The following UNC13C variants were observed in gnomAD, a reference collection of about 807,000 sequenced individuals.
The protein encoded by UNC13C is unc-13 homolog C.
A neutral mutation model predicts 245.4 loss-of-function variants in UNC13C; 174 were observed. The observed-to-expected ratio is 0.71, with a 90% CI of 0.63 to 0.80. The LOEUF (loss-of-function observed/expected upper bound fraction) is 0.80. Ranked by LOEUF, UNC13C falls within the 30% of genes least tolerant of loss-of-function variation. The probability of loss-of-function intolerance (pLI) is 0.00; values close to 1 mark genes in which losing one functional copy is unlikely to be tolerated. For synonymous variants in UNC13C, 992 were observed against 895.1 expected, an observed-to-expected ratio of 1.11 and a Z score of -1.93; for missense variants, 2,829 against 2,602.9, an observed-to-expected ratio of 1.09 and a Z score of -1.89.
chr15:54,295,285 CAT>C (rs2037399707), intron 11 of UNC13C, among the ~76,000 whole-genome samples: 1 of 152,098 alleles, frequency 6.6e-6, no homozygotes, highest in Non-Finnish European at 1.5e-5. Context: ...AATACGTTAA[CAT>C]ATTCTTGGGT....
chr15:54,058,282 C>G (rs1432781075), intron 2 of UNC13C, among the ~76,000 whole-genome samples: 1 of 152,112 alleles, frequency 6.6e-6, no homozygotes, highest in Non-Finnish European at 1.5e-5. Context: ...AAGGGGATGT[C>G]ACCACCGATC....
chr15:54,248,752 GC>G (rs1417240858), intron 7 of UNC13C, among the ~76,000 whole-genome samples: 1 of 152,172 alleles, frequency 6.6e-6, no homozygotes, highest in African/African-American at 2.4e-5. Flanking sequence ...GGATTGTCCA[GC>G]CCCTTATCTA....
In UNC13C at chr15:54,500,933, C is replaced by T. The variant is rs1894181928; in HGVS notation, c.5256C>T (p.Cys1752=). The change falls in exon 22 of 33, where the codon TGC becomes TGT. Residue 1752 remains cysteine (C), a synonymous_variant. Coordinates refer to ENST00000260323, the MANE Select transcript of UNC13C (RefSeq NM_001080534.3). ...TTGAAATTATTAAGAAACTGGAATG[C>T]CCTAATCCTGAAGCATTATCTCACT... ...QSFEIIKKLE[C]PNPEALSHLM... is the part of the protein sequence containing the mutation. 2.5e-6 allele frequency: 4 copies of T among 1,612,770 alleles called. No homozygotes were observed. The highest frequency in any genetic ancestry group is 1.6e-4 in the Middle Eastern group (1 of 6,072).
chr15:54,272,665 CT>C (rs1342128118), intron 10 of UNC13C, among the ~76,000 whole-genome samples: 1 of 151,904 alleles, frequency 6.6e-6, no homozygotes, highest in Non-Finnish European at 1.5e-5. Context: ...GTGATTATGT[CT>C]AGCAGCAGGA....
At chr15:54,150,679 G>T (rs1183149060) in intron 4 of UNC13C, among the ~76,000 whole-genome samples, 1 of 152,130 alleles carries the variant, frequency 6.6e-6, no homozygotes, top group African/African-American at 2.4e-5. Context: ...AAAGTCATAA[G>T]ATCATTAGGT....
At chr15:53,905,547 T>C in the UNC13C span, among the ~76,000 whole-genome samples, 1 of 152,020 alleles carries the variant, frequency 6.6e-6, no homozygotes, top group African/African-American at 2.4e-5. Flanking sequence ...CATGGTCTCA[T>C]TCATATGTAG....
At chr15:53,888,733 G>A in the UNC13C span, among the ~76,000 whole-genome samples, 2 of 152,126 alleles carry the variant, frequency 1.3e-5, no homozygotes, top group South Asian at 2.1e-4. Context: ...TGTATAAGGT[G>A]TAAGGAAGGG....
intron 19 of UNC13C, among the ~76,000 whole-genome samples, chr15:54,474,371 C>A (rs527949257): frequency 6.6e-6 from 1 of 152,110 alleles, no homozygotes; most frequent in African/African-American, 2.4e-5. Flanking sequence ...GCCATTCTAA[C>A]TGAAGTGAGA....
intron 30 of UNC13C, among the ~76,000 whole-genome samples, chr15:54,592,673 T>TA (rs1489527719): frequency 6.6e-6 from 1 of 152,126 alleles, no homozygotes; most frequent in Admixed American, 6.6e-5. Context: ...CCTTTAAGTT[T>TA]ATGTGAGCCC....
At chr15:54,583,459 T>C (rs1036015169) in intron 30 of UNC13C, among the ~76,000 whole-genome samples, 1 of 152,176 alleles carries the variant, frequency 6.6e-6, no homozygotes, top group Non-Finnish European at 1.5e-5. Context: ...CATATGTCCC[T>C]CGATTTTTTC....
At chr15:54,310,834 A>G (rs2037853572) in intron 13 of UNC13C, among the ~76,000 whole-genome samples, 2 of 151,590 alleles carry the variant, frequency 1.3e-5, no homozygotes, top group South Asian at 4.1e-4. Flanking sequence ...CCATTTCTTC[A>G]AGGTTTCAAA....
At chr15:54,513,994 A>G (rs1393083932) in intron 24 of UNC13C, among the ~76,000 whole-genome samples, 1 of 152,144 alleles carries the variant, frequency 6.6e-6, no homozygotes, top group African/African-American at 2.4e-5. Flanking sequence ...CAAGACTTGC[A>G]TTCAAGTCTG....
chr15:54,595,381 G>T (rs555571771), intron 30 of UNC13C, among the ~76,000 whole-genome samples: 6 of 152,168 alleles, frequency 3.9e-5, no homozygotes, highest in Non-Finnish European at 8.8e-5. Context: ...ACAAAGGAGG[G>T]TCTCCTTTTT....
intron 4 of UNC13C, among the ~76,000 whole-genome samples, chr15:54,154,564 A>G (rs1262641147): frequency 6.6e-6 from 1 of 152,188 alleles, no homozygotes; most frequent in Non-Finnish European, 1.5e-5. Context: ...ATTTCAGTAT[A>G]TTAATTAAAT....
chr15:53,845,487 C>T, the UNC13C span, among the ~76,000 whole-genome samples: 1 of 152,108 alleles, frequency 6.6e-6, no homozygotes, highest in African/African-American at 2.4e-5. Flanking sequence ...CTACAGCCTT[C>T]AACACAATGT....
At chr15:54,264,469 A>G (rs1367874668) in intron 9 of UNC13C, 74 bp downstream of exon 9, 6 of 1,106,036 alleles carry the variant, frequency 5.4e-6, no homozygotes, top group Non-Finnish European at 7.8e-6. Context: ...ACTGCTAATA[A>G]TAATTATAGG....
At chr15:54,464,495 A>T (rs2141031836) in intron 19 of UNC13C, among the ~76,000 whole-genome samples, 1 of 152,266 alleles carries the variant, frequency 6.6e-6, no homozygotes, top group South Asian at 2.1e-4. Context: ...AAAACATCAG[A>T]ATGATGAGTT....
the UNC13C span, among the ~76,000 whole-genome samples, chr15:53,934,847 T>C: frequency 0.11 from 16,138 of 152,152 alleles, 1,210 homozygotes; most frequent in East Asian, 0.33. Flanking sequence ...GGAGCCTCTT[T>C]TAATAGGTTA....
chr15:54,323,473 T>C (rs1728019200), intron 14 of UNC13C, among the ~76,000 whole-genome samples: 1 of 152,028 alleles, frequency 6.6e-6, no homozygotes, highest in African/African-American at 2.4e-5. Flanking sequence ...AGAAGATAAT[T>C]CTTACTTTAA....
Sources: gnomAD v4.1 joint callset for allele counts (sites outside exome capture counted in the v4.1 genomes callset) on GRCh38, gnomAD v4.1.1 for gene constraint, MANE v1.5 for transcripts, NCBI Gene and HGNC (gene_info 2026-07-23, HGNC 2026-07-21) for gene names.